DNAH11: variants seen among roughly 807,000 people sequenced by gnomAD.
DNAH11 encodes the protein dynein axonemal heavy chain 11, also known as axonemal beta dynein heavy chain 11.
DNAH11 carries 442 observed loss-of-function variants against 526.0 expected under a neutral mutation model. The ratio of observed to expected loss-of-function variants is 0.84; its 90% CI spans 0.78 to 0.91. The LOEUF is 0.91. Among genes scored for constraint, DNAH11 ranks in the 40% least tolerant of loss-of-function variants. DNAH11 has a pLI of 0.00. For missense variants in DNAH11, 6,989 were observed against 5,448.7 expected (o/e 1.28, Z -8.90); for synonymous variants, 2,461 against 1,935.9 (o/e 1.27, Z -7.12).
intron 31 of DNAH11, 66 bp downstream of exon 31, chr7:21,681,743 G>T (rs1464880310): frequency 6.3e-7 from 1 of 1,585,474 alleles, no homozygotes; most frequent in Non-Finnish European, 8.7e-7. Flanking sequence ...TATTGCCAGA[G>T]TAGTTCCAAG....
intron 25 of DNAH11, among the ~76,000 whole-genome samples, chr7:21,632,117 C>T (rs967995896): frequency 3.9e-5 from 6 of 152,204 alleles, no homozygotes; most frequent in Non-Finnish European, 8.8e-5. Context: ...TCTGAAGCCA[C>T]GTCCCGAGCT....
intron 36 of DNAH11, among the ~76,000 whole-genome samples, chr7:21,701,701 G>A (rs1784068832): frequency 6.6e-6 from 1 of 152,158 alleles, no homozygotes; most frequent in Non-Finnish European, 1.5e-5. Flanking sequence ...TCCACTAGTG[G>A]AGTAAATGGG....
chr7:21,722,960 A>G (rs948154249), intron 44 of DNAH11, among the ~76,000 whole-genome samples: 2 of 152,114 alleles, frequency 1.3e-5, no homozygotes, highest in Non-Finnish European at 2.9e-5. Context: ...CAGTTTCCAA[A>G]TGTATCAGCC....
At position 21,570,246 on chromosome 7, in the gene DNAH11, C is replaced by T. The variant is rs1783831610; in HGVS notation, c.1372C>T (p.His458Tyr). The change falls in exon 7 of 82, where the codon CAT (histidine) becomes TAT (tyrosine). Residue 458 changes from histidine (H) to tyrosine (Y), a missense_variant. Transcript: ENST00000409508. ...GCTGAGACCATGGGATTTCCAGTCT[C>T]ATCTGGTGTTTTGCAGATTTGACAA... The part of the protein sequence containing the change: ...RKLRPWDFQS[H>Y]LVFCRFDKFL... The T allele has an allele frequency of 3.7e-6, 6 of 1,612,512 alleles. No individual in the cohort carries two copies. Among genetic ancestry groups the T allele is most frequent in the Admixed American group, 3.3e-5 (2 of 59,858 alleles).
intron 54 of DNAH11, among the ~76,000 whole-genome samples, chr7:21,761,174 C>A (rs1158026992): frequency 6.6e-6 from 1 of 152,138 alleles, no homozygotes; most frequent in African/African-American, 2.4e-5. Context: ...TCTCACATGA[C>A]ACCACTAGCA....
chr7:21,843,478 T>G (rs1782293729), intron 66 of DNAH11, among the ~76,000 whole-genome samples: 1 of 140,866 alleles, frequency 7.1e-6, no homozygotes, highest in South Asian at 2.2e-4. Context: ...CTCAGGTTTT[T>G]TTTGTTTTTT....
At chr7:21,794,695 T>C (rs774102717) in intron 61 of DNAH11, among the ~76,000 whole-genome samples, 2 of 150,922 alleles carry the variant, frequency 1.3e-5, no homozygotes, top group African/African-American at 4.8e-5. Flanking sequence ...GAGAATTTCA[T>C]GGGCTGGAGT....
rs982243671 is a variant in DNAH11 at position 21,775,016 on chromosome 7, G to A, written c.9336+1017G>A. ...CTAGGCTAGAAATGAACTGAGACCC[G>A]AAGGAGGGAGCACCTTTTCAAATGG... On this transcript the variant is annotated intron_variant, in intron 56 of 81. Coordinates refer to ENST00000409508, the MANE Select transcript of DNAH11 (RefSeq NM_001277115.2). Among the ~76,000 whole-genome samples the A allele has an allele frequency of 3.9e-5, 6 of 152,270 alleles. No individual in the cohort carries two copies. In the East Asian group the frequency reaches 7.7e-4, roughly 20 times the overall value.
At chr7:21,610,507 A>G (rs534881623) in intron 20 of DNAH11, among the ~76,000 whole-genome samples, 15 of 152,332 alleles carry the variant, frequency 9.8e-5, no homozygotes, top group Admixed American at 2.6e-4. Context: ...TGAGTACACA[A>G]TAAAACAATG....
At chr7:21,586,412 G>T (rs1784479741) in intron 9 of DNAH11, among the ~76,000 whole-genome samples, 1 of 152,152 alleles carries the variant, frequency 6.6e-6, no homozygotes, top group Admixed American at 6.5e-5. Flanking sequence ...ATTTTGCTAG[G>T]TAGCCCCGAG....
intron 65 of DNAH11, among the ~76,000 whole-genome samples, chr7:21,828,862 C>G (rs1790424684): frequency 6.9e-6 from 1 of 144,850 alleles, no homozygotes; most frequent in East Asian, 2.1e-4. Flanking sequence ...TTGCTTTTAT[C>G]TTAGAAGGGC....
intron 25 of DNAH11, among the ~76,000 whole-genome samples, chr7:21,634,241 T>C (rs1321131157): frequency 6.6e-6 from 1 of 152,206 alleles, no homozygotes; most frequent in Non-Finnish European, 1.5e-5. Context: ...CAAGAGCTGG[T>C]AGCTGGGAGT....
intron 36 of DNAH11, among the ~76,000 whole-genome samples, chr7:21,700,459 G>C (rs2128477712): frequency 6.6e-6 from 1 of 152,276 alleles, no homozygotes. Context: ...ATGTTTAGCA[G>C]AGGCACCAAG....
intron 35 of DNAH11, among the ~76,000 whole-genome samples, chr7:21,696,980 G>A (rs922903373): frequency 1.3e-5 from 2 of 152,286 alleles, no homozygotes; most frequent in Middle Eastern, 3.4e-3. Flanking sequence ...CTGGTGTCAT[G>A]TGAAGAGTAA....
At chr7:21,852,683 A>T (rs1463899969) in intron 67 of DNAH11, 52 bp downstream of exon 67, 1 of 1,505,274 alleles carries the variant, frequency 6.6e-7, no homozygotes, top group Non-Finnish European at 8.9e-7. Context: ...TTCGAATGAG[A>T]CATGTGGGGT....
intron 81 of DNAH11, among the ~76,000 whole-genome samples, 192 bp downstream of exon 81, chr7:21,900,312 TG>T (rs36165935): frequency 8.9e-6 from 1 of 112,962 alleles, no homozygotes; most frequent in Non-Finnish European, 2.2e-5. Context: ...CTGTAATATT[TG>T]GGGTGATGGC....
intron 25 of DNAH11, among the ~76,000 whole-genome samples, chr7:21,626,960 C>T (rs1004848947): frequency 1.3e-5 from 2 of 151,924 alleles, no homozygotes; most frequent in Admixed American, 6.6e-5. Context: ...CTGTGTTAGC[C>T]AGGATGGTCT....
intron 64 of DNAH11, 85 bp downstream of exon 64, chr7:21,816,787 C>T: frequency 1.9e-6 from 2 of 1,042,904 alleles, no homozygotes; most frequent in South Asian, 3.0e-5. Context: ...GTTTCTTAGA[C>T]CTCTCCACCA....
intron 61 of DNAH11, among the ~76,000 whole-genome samples, chr7:21,796,398 G>T (rs1788716132): frequency 6.6e-6 from 1 of 152,104 alleles, no homozygotes; most frequent in Admixed American, 6.6e-5. Context: ...GATAGCTGTG[G>T]GCCAATGAAC....
Sources: gnomAD v4.1 joint callset for allele counts (sites outside exome capture counted in the v4.1 genomes callset) on GRCh38, gnomAD v4.1.1 for gene constraint, MANE v1.5 for transcripts, NCBI Gene and HGNC (gene_info 2026-07-23, HGNC 2026-07-21) for gene names.